The following NMUR1 variants were observed in gnomAD, a reference collection of about 807,000 sequenced individuals.
NMUR1 encodes the protein neuromedin-U receptor 1.
In NMUR1, 16 loss-of-function variants were observed where a neutral mutation model predicts 18.8. The ratio of observed to expected loss-of-function variants is 0.85; its 90% confidence interval spans 0.58 to 1.29. NMUR1 has a LOEUF of 1.29. Ranked by LOEUF, NMUR1 falls within the 50% of genes most tolerant of loss-of-function variation. The pLI is 0.00. For missense variants in NMUR1, 529 were observed against 580.3 expected (o/e 0.91, Z 0.91); for synonymous variants, 258 against 258.2 (o/e 1.00, Z 0.01).
downstream of NMUR1, among the ~76,000 whole-genome samples, chr2:231,521,199 G>T: frequency 6.6e-6 from 1 of 152,164 alleles, no homozygotes; most frequent in Non-Finnish European, 1.5e-5. Context: ...AACATGGCGA[G>T]ACGGTGCCTC....
downstream of NMUR1, among the ~76,000 whole-genome samples, chr2:231,521,973 C>CTTTT (rs10625236): frequency 3.2e-4 from 27 of 83,840 alleles, no homozygotes; most frequent in African/African-American, 7.7e-4. Context: ...TTTTTTTTCT[C>CTTTT]TTTTTTTTTT....
Position 231,528,883 on chromosome 2 carries a change from T to G in NMUR1, c.138A>C (p.Ala46=), listed in dbSNP as rs768222018. 5.6e-6 allele frequency: 9 copies of G among 1,614,068 alleles called. 1 individual carries two copies. In the South Asian group the frequency reaches 9.9e-5, roughly 18 times the overall value. ...GGGGCCCCAGGTACTTGAGTCTCAG[T>G]GCCTCGTCAGTCAGGTTCAAGTCCT... ...DPEDLNLTDE[A]LRLKYLGPQQ... Residue 46 remains alanine (A), a synonymous_variant, in exon 2 of 3, where the codon GCA becomes GCC. Coordinates refer to ENST00000305141, the MANE Select transcript of NMUR1 (RefSeq NM_006056.5).
At chr2:231,522,600 C>G (rs2047315185), downstream of NMUR1, among the ~76,000 whole-genome samples, 1 of 151,760 alleles carries the variant, frequency 6.6e-6, no homozygotes, top group South Asian at 2.1e-4. Context: ...CAGTCACTCC[C>G]CTCCCCTATC....
downstream of NMUR1, among the ~76,000 whole-genome samples, chr2:231,519,079 G>C (rs972799872): frequency 1.3e-5 from 2 of 152,164 alleles, no homozygotes; most frequent in Non-Finnish European, 2.9e-5. Context: ...CCTTCACCCC[G>C]CCTCAGCCTT....
intron 2 of NMUR1, among the ~76,000 whole-genome samples, chr2:231,526,811 G>A (rs2047360293): frequency 6.6e-6 from 1 of 152,012 alleles, no homozygotes; most frequent in South Asian, 2.1e-4. Context: ...GCAGGTAGGT[G>A]GATGGGGCGG....
chr2:231,522,408 T>A (rs2047313738), downstream of NMUR1, among the ~76,000 whole-genome samples: 1 of 151,934 alleles, frequency 6.6e-6, no homozygotes, highest in African/African-American at 2.4e-5. Flanking sequence ...GAAGCAGGCC[T>A]CTGGGAGTCC....
downstream of NMUR1, chr2:231,523,135 A>G: frequency 3.0e-6 from 1 of 335,330 alleles, no homozygotes; most frequent in Non-Finnish European, 5.5e-6. Context: ...TGTATATAAA[A>G]TAAAACCACC....
At chr2:231,519,970 G>A (rs868204401), downstream of NMUR1, among the ~76,000 whole-genome samples, 44 of 152,248 alleles carry the variant, frequency 2.9e-4, no homozygotes, top group Middle Eastern at 0.01. Context: ...ATAAAATAGT[G>A]TACGTATGTT....
At chr2:231,529,920 A>G (rs557159977) in intron 1 of NMUR1, among the ~76,000 whole-genome samples, 2 of 152,340 alleles carry the variant, frequency 1.3e-5, no homozygotes, top group African/African-American at 2.4e-5. Context: ...TACACACTAC[A>G]AATGCTTCAT....
downstream of NMUR1, among the ~76,000 whole-genome samples, chr2:231,520,979 G>C (rs1312009846): frequency 6.6e-6 from 1 of 152,222 alleles, no homozygotes; most frequent in Non-Finnish European, 1.5e-5. Context: ...TGGCAGAGTA[G>C]GGTAGATGAA....
downstream of NMUR1, among the ~76,000 whole-genome samples, chr2:231,520,737 A>G (rs1032544472): frequency 6.6e-6 from 1 of 152,204 alleles, no homozygotes; most frequent in African/African-American, 2.4e-5. Flanking sequence ...CAAAAATGAG[A>G]TAGGCTCCCA....
downstream of NMUR1, among the ~76,000 whole-genome samples, chr2:231,522,865 C>T (rs2047319116): frequency 6.6e-6 from 1 of 152,212 alleles, no homozygotes. Context: ...TGTGCTTCTC[C>T]CAGAACTTGT....
At chr2:231,529,291 C>T (rs2047392528) in intron 1 of NMUR1, among the ~76,000 whole-genome samples, 2 of 152,152 alleles carry the variant, frequency 1.3e-5, no homozygotes, top group Non-Finnish European at 2.9e-5. Flanking sequence ...GAAACCCCGT[C>T]TCTACTAACA....
chr2:231,518,473 A>C (rs2047284276), downstream of NMUR1, among the ~76,000 whole-genome samples: 1 of 152,184 alleles, frequency 6.6e-6, no homozygotes, highest in Non-Finnish European at 1.5e-5. Context: ...CAGCCTCCCA[A>C]AGTGCTGGGA....
intron 2 of NMUR1, among the ~76,000 whole-genome samples, chr2:231,526,228 T>C (rs1320878380): frequency 6.6e-6 from 1 of 152,244 alleles, no homozygotes; most frequent in African/African-American, 2.4e-5. Context: ...TTTTTGTTCC[T>C]TGTTTCTTGG....
At chr2:231,521,973 CTTTTTTTTTT>C (rs10625236), downstream of NMUR1, among the ~76,000 whole-genome samples, 3 of 83,828 alleles carry the variant, frequency 3.6e-5, no homozygotes, top group African/African-American at 9.6e-5. Flanking sequence ...TTTTTTTTCT[CTTTTTTTTTT>C]TTTTTTTTTT....
downstream of NMUR1, among the ~76,000 whole-genome samples, chr2:231,519,801 G>GT (rs1278421449): frequency 1.3e-5 from 2 of 152,158 alleles, no homozygotes; most frequent in Non-Finnish European, 2.9e-5. Context: ...TTAGAAAAAT[G>GT]TAAGTATGAG....
chr2:231,523,057 G>A (rs906041153), downstream of NMUR1: 9 of 309,214 alleles, frequency 2.9e-5, no homozygotes, highest in African/African-American at 1.7e-4. Context: ...TCAAATGAGT[G>A]CAAGCGTGAG....
At position 231,525,122 on chromosome 2, in the gene NMUR1, AC is replaced by A; in HGVS notation, c.1201del (p.Val401TrpfsTer65). 1 of 1,613,714 alleles carries A rather than the reference AC, an allele frequency of 6.2e-7. No homozygotes were observed. The highest frequency in any genetic ancestry group is 8.5e-7 in the Non-Finnish European group (1 of 1,179,770). ...RMTTGSTLCD[V>X]GSLGSWVHPL... is the part of the protein sequence containing the mutation. ...GTGGACCCAGCTGCCCAGGGAGCCC[AC>A]ATCACACAGGGTGCTGCCTGTGGTC... On this transcript the variant is annotated frameshift_variant, in exon 3 of 3. Coordinates refer to ENST00000305141, the MANE Select transcript of NMUR1 (RefSeq NM_006056.5). LOFTEE classifies it low-confidence loss of function (END_TRUNC).
Sources: allele counts gnomAD v4.1 joint callset (sites outside exome capture counted in the v4.1 genomes callset), GRCh38; gene constraint gnomAD v4.1.1; transcripts MANE v1.5; gene names NCBI Gene and HGNC (gene_info 2026-07-23, HGNC 2026-07-21).